Variants in PMPCB observed in about 807,000 individuals in gnomAD.
The protein encoded by PMPCB is peptidase, mitochondrial processing subunit beta, also known as mitochondrial-processing peptidase subunit beta.
A neutral mutation model predicts 61.5 loss-of-function variants in PMPCB; 46 were observed. The ratio of observed to expected loss-of-function variants is 0.75; its 90% CI spans 0.59 to 0.96. The LOEUF (loss-of-function observed/expected upper bound fraction) is 0.96, where lower values mean the gene tolerates loss of function less well. Ranked by LOEUF, PMPCB falls within the 40% of genes least tolerant of loss-of-function variation. The pLI, the probability that PMPCB is intolerant of heterozygous loss-of-function variation, is 0.00. For missense variants in PMPCB, 590 were observed against 602.4 expected (o/e 0.98, Z 0.22); for synonymous variants, 191 against 201.6 (o/e 0.95, Z 0.44).
At chr7:103,322,237 T>C (rs545198035) in intron 12 of PMPCB, among the ~76,000 whole-genome samples, 2 of 152,296 alleles carry the variant, frequency 1.3e-5, no homozygotes, top group African/African-American at 2.4e-5. Context: ...AGACAGCTGG[T>C]AAAGATCTAT....
chr7:103,311,739 A>G lies in PMPCB; in HGVS notation c.1240+11A>G. 2 of 1,611,296 alleles carry G rather than the reference A, an allele frequency of 1.2e-6. No individual in the cohort carries two copies. Among genetic ancestry groups the G allele is most frequent in the Non-Finnish European group, 1.7e-6 (2 of 1,177,544 alleles). ...TGTTGCAGCTTGATGGTAAAAATAA[A>G]GATATAGGTTCTGTTTTCATATGGT... On this transcript the variant is annotated intron_variant, in intron 10 of 12. Transcript: ENST00000249269.
downstream of PMPCB, chr7:103,317,053 T>C (rs1818104231): frequency 1.2e-5 from 18 of 1,542,140 alleles, no homozygotes; most frequent in African/African-American, 2.7e-5. Context: ...AGAAGTATAC[T>C]GTATTGCTAT....
Position 103,297,578 on chromosome 7 carries a change from G to T in PMPCB, c.99+20G>T. 2 of 1,612,030 alleles carry T rather than the reference G, an allele frequency of 1.2e-6. No individual in the cohort carries two copies. Among genetic ancestry groups the T allele is most frequent in the Non-Finnish European group, 1.7e-6 (2 of 1,178,962 alleles). ...GGACGGGTGAGCTTCCCTCCAGGCC[G>T]GTCCTGTCCTCGAGATCTCGCCAGA... On this transcript the variant is annotated intron_variant, in intron 1 of 12. Transcript: ENST00000249269.
At chr7:103,339,097 C>G in the PMPCB span, among the ~76,000 whole-genome samples, 3 of 152,256 alleles carry the variant, frequency 2.0e-5, no homozygotes, top group East Asian at 5.8e-4. Flanking sequence ...ACCAAAGACC[C>G]CTTTTTTCTC....
At chr7:103,319,148 A>T (rs1213935080), downstream of PMPCB, among the ~76,000 whole-genome samples, 1 of 151,930 alleles carries the variant, frequency 6.6e-6, no homozygotes, top group Non-Finnish European at 1.5e-5. Context: ...AAAAACAAAA[A>T]CAAAAACAGG....
At chr7:103,340,942 C>A in the PMPCB span, among the ~76,000 whole-genome samples, 1 of 152,216 alleles carries the variant, frequency 6.6e-6, no homozygotes, top group Non-Finnish European at 1.5e-5. Context: ...ACATTCTTAT[C>A]CTCATCCCAG....
chr7:103,319,496 TA>T, downstream of PMPCB: 3 of 1,048,394 alleles, frequency 2.9e-6, no homozygotes, highest in Non-Finnish European at 4.3e-6. Context: ...GTGGGAAACA[TA>T]AAGAGAAATC....
intron 4 of PMPCB, among the ~76,000 whole-genome samples, chr7:103,301,730 A>G (rs1161865925): frequency 1.3e-5 from 2 of 152,320 alleles, no homozygotes; most frequent in Middle Eastern, 3.4e-3. Context: ...AGCCTGGTAT[A>G]TGAAGTAATA....
chr7:103,314,309 T>C lies in PMPCB; in HGVS notation c.*2038T>C. On this transcript the variant is annotated 3_prime_UTR_variant, in exon 13 of 13. Coordinates refer to ENST00000249269, the MANE Select transcript of PMPCB (RefSeq NM_004279.3). ...ATTAAACGTACTGTTGCAAAACTCC[T>C]ATGAGAAATCACTATTCAAAAAATG... 3 of 985,446 alleles carry C rather than the reference T, an allele frequency of 3.0e-6. No individual in the cohort carries two copies. Among genetic ancestry groups the C allele is most frequent in the Non-Finnish European group, 3.6e-6 (3 of 829,908 alleles). 61.0% of individuals were successfully genotyped at this position (985,446 alleles called of 1,614,324 possible).
intron 8 of PMPCB, among the ~76,000 whole-genome samples, 175 bp from the exon 9 acceptor site, chr7:103,310,136 AAGTG>A (rs1220027042): frequency 2.6e-5 from 4 of 152,238 alleles, no homozygotes; most frequent in African/African-American, 7.2e-5. Context: ...TGCACTGGGT[AAGTG>A]AGATAATAAA....
At chr7:103,301,118 A>G (rs1473069097) in intron 4 of PMPCB, among the ~76,000 whole-genome samples, 1 of 152,194 alleles carries the variant, frequency 6.6e-6, no homozygotes, top group Non-Finnish European at 1.5e-5. Context: ...TATATTATCC[A>G]TTTGATGTGC....
chr7:103,304,813 G>A (rs987740568), intron 6 of PMPCB, among the ~76,000 whole-genome samples: 2 of 152,090 alleles, frequency 1.3e-5, no homozygotes, highest in Non-Finnish European at 1.5e-5. Context: ...ATACAAAGTA[G>A]CTGGGCGTGG....
At chr7:103,329,296 G>A (rs974068908) in exon 13 of PMPCB, 2 of 180,592 alleles carry the variant, frequency 1.1e-5, no homozygotes, top group Admixed American at 6.4e-5. Context: ...TGAGGAAAAT[G>A]AGGCACAGAG....
chr7:103,333,463 T>C (rs1819049343), downstream of PMPCB, among the ~76,000 whole-genome samples: 1 of 152,224 alleles, frequency 6.6e-6, no homozygotes, highest in Admixed American at 6.5e-5. Flanking sequence ...TCCAAGTGAC[T>C]GGTATTTTTG....
chr7:103,298,012 G>A, intron 1 of PMPCB: 3 of 987,950 alleles, frequency 3.0e-6, no homozygotes, highest in Non-Finnish European at 3.9e-6. Context: ...TTTAAGCAAA[G>A]GGATGTGAGA....
chr7:103,317,166 G>A (rs868647639), downstream of PMPCB: 1 of 661,724 alleles, frequency 1.5e-6, no homozygotes, highest in South Asian at 2.0e-5. Context: ...AGAAGCACCA[G>A]CTTTTCACTC....
At chr7:103,304,381 CCTTTAAAA>C (rs1413584661) in intron 5 of PMPCB, 22 bp from the exon 6 acceptor site, 19 of 1,261,550 alleles carry the variant, frequency 1.5e-5, no homozygotes, top group Non-Finnish European at 2.2e-5. Context: ...TTTTTGGTTT[CCTTTAAAA>C]ATTGTTTTAC....
At chr7:103,327,283 CG>C (rs1303651125) in intron 12 of PMPCB, 4 of 1,006,586 alleles carry the variant, frequency 4.0e-6, no homozygotes, top group Middle Eastern at 2.6e-4. Flanking sequence ...GCATCTGAAA[CG>C]AAAAAAAAAA....
intron 12 of PMPCB, among the ~76,000 whole-genome samples, chr7:103,324,026 C>T (rs1818568319): frequency 6.6e-6 from 1 of 152,180 alleles, no homozygotes; most frequent in South Asian, 2.1e-4. Context: ...AAAGCAATTA[C>T]AACTGATAGA....
Sources: gnomAD v4.1 joint callset for allele counts (sites outside exome capture counted in the v4.1 genomes callset) on GRCh38, gnomAD v4.1.1 for gene constraint, MANE v1.5 for transcripts, NCBI Gene and HGNC (gene_info 2026-07-23, HGNC 2026-07-21) for gene names.